Variants in TAS2R5 observed in about 807,000 individuals in gnomAD.
The protein encoded by TAS2R5 is taste receptor type 2 member 5.
In TAS2R5, 11 loss-of-function variants were observed where a neutral mutation model predicts 14.4. That is an observed-to-expected ratio of 0.77 (90% CI 0.48 to 1.27). The LOEUF (loss-of-function observed/expected upper bound fraction) is 1.27, where lower values mean the gene tolerates loss of function less well. Among genes scored for constraint, TAS2R5 ranks in the 50% most tolerant of loss-of-function variants. The pLI is 0.00. For missense variants in TAS2R5, 339 were observed against 353.9 expected (o/e 0.96, Z 0.34); for synonymous variants, 120 against 137.1 (o/e 0.87, Z 0.87).
In TAS2R5 at chr7:141,790,811, T is replaced by G; in HGVS notation, c.450T>G (p.His150Gln). ...TCCAAATTGGCTTAACATTCTATCA[T>G]CCTCCCCAAGGAAACAGCAGCATTC... ...LTVQIGLTFY[H>Q]PPQGNSSIRY... Residue 150 changes from histidine to glutamine, a missense_variant, in exon 1 of 1, where the codon CAT becomes CAG. Transcript: ENST00000247883. 6.2e-7 allele frequency: 1 copy of G among 1,614,104 alleles called. No homozygotes were observed. Among genetic ancestry groups the G allele is most frequent in the South Asian group, 1.1e-5 (1 of 91,076 alleles).
Position 141,790,783 on chromosome 7 carries a change from C to A in TAS2R5, c.422C>A (p.Thr141Lys), listed in dbSNP as rs748246643. Residue 141 changes from threonine (T) to lysine (K), a missense_variant, in exon 1 of 1, where the codon ACA becomes AAA. Thr to Lys is a moderately conservative substitution (Grantham distance 78). Coordinates refer to ENST00000247883, the MANE Select transcript of TAS2R5 (RefSeq NM_018980.3). ...TACTTTATAATCAATTTGTTACTTA[C>A]AGTCCAAATTGGCTTAACATTCTAT... ...LGYFIINLLL[T>K]VQIGLTFYHP... is the part of the protein sequence containing the mutation. 2 of 1,614,216 alleles carry A rather than the reference C, an allele frequency of 1.2e-6. No individual in the cohort carries two copies. The highest frequency in any genetic ancestry group is 1.7e-6 in the Non-Finnish European group (2 of 1,180,040).
Position 141,791,296 on chromosome 7 carries a change from G to T in TAS2R5, c.*35G>T, listed in dbSNP as rs767679138. On this transcript the variant is annotated 3_prime_UTR_variant, in exon 1 of 1. Coordinates refer to ENST00000247883, the MANE Select transcript of TAS2R5 (RefSeq NM_018980.3). ...AAAAGTGTGGTCAGGACACTCTTGGGACGCTCTTTTGATAGCTCTCTATAA... is the reference window on the plus strand; with the variant it reads ...AAAAGTGTGGTCAGGACACTCTTGGTACGCTCTTTTGATAGCTCTCTATAA... 2 of 1,573,604 alleles carry T rather than the reference G, an allele frequency of 1.3e-6. No individual in the cohort carries two copies. The highest frequency in any genetic ancestry group is 2.4e-5 in the South Asian group (2 of 83,380).
chr7:141,791,365 C>G lies in TAS2R5; in HGVS notation c.*104C>G. On this transcript the variant is annotated 3_prime_UTR_variant, in exon 1 of 1. Transcript: ENST00000247883. ...CTTTTAAGATTTTCCTTCTTTTACA[C>G]CAATGTAATGAATGAGCAACAGAAA... 8.4e-7 allele frequency: 1 copy of G among 1,183,872 alleles called. No individual in the cohort carries two copies. Among genetic ancestry groups the G allele is most frequent in the African/African-American group, 1.5e-5 (1 of 65,620 alleles). 73.3% of individuals were successfully genotyped at this position (1,183,872 alleles called of 1,614,324 possible).
Position 141,790,958 on chromosome 7 carries a change from CAAG to C in TAS2R5, c.602_604del (p.Lys201del), listed in dbSNP as rs1800440404. ...TGATTGTCTCTTTGTATACACACCA[CAAG>C]AAGATGAAGGTCCATTCAGCTGGTA... On this transcript the variant is annotated inframe_deletion, in exon 1 of 1. Transcript: ENST00000247883. The C allele has an allele frequency of 6.2e-7, 1 of 1,614,040 alleles. No homozygotes were observed. The highest frequency in any genetic ancestry group is 1.3e-5 in the African/African-American group (1 of 74,892).
In TAS2R5 at chr7:141,790,669, A is replaced by T. The variant is rs1332092827; in HGVS notation, c.308A>T (p.Tyr103Phe). The T allele has an allele frequency of 6.2e-7, 1 of 1,614,044 alleles. No homozygotes were observed. Among genetic ancestry groups the T allele is most frequent in the Admixed American group, 1.7e-5 (1 of 60,000 alleles). ...TTTGCCACCTTCCTCAGTGTCTTCT[A>T]TTGCAAGAAGATCACGACCTTCGAT... ...LWFATFLSVF[Y>F]CKKITTFDRP... Residue 103 changes from tyrosine to phenylalanine, a missense_variant, in exon 1 of 1, where the codon TAT becomes TTT. By Grantham distance (22) the Tyr-to-Phe change is conservative. Coordinates refer to ENST00000247883, the MANE Select transcript of TAS2R5 (RefSeq NM_018980.3).
Position 141,790,376 on chromosome 7 carries a change from C to G in TAS2R5, c.15C>G (p.Gly5=). The G allele has an allele frequency of 6.2e-7, 1 of 1,614,000 alleles. No homozygotes were observed. The highest frequency in any genetic ancestry group is 8.5e-7 in the Non-Finnish European group (1 of 1,179,942). MLSA[G]LGLLMLVAVV... Reference sequence around the variant, plus strand: ...TCTCCCCAGCCATGCTGAGCGCTGGCCTAGGACTGCTGATGCTGGTGGCAG... The same window carrying G: ...TCTCCCCAGCCATGCTGAGCGCTGGGCTAGGACTGCTGATGCTGGTGGCAG... Residue 5 remains glycine (G), a synonymous_variant, in exon 1 of 1, where the codon GGC becomes GGG. Transcript: ENST00000247883.
In TAS2R5 at chr7:141,790,480, A is replaced by C. The variant is rs144615570; in HGVS notation, c.119A>C (p.Asn40Thr). ...WSFREWIRKF[N>T]WSSYNLIILG... ...TTTAGAGAATGGATCAGAAAATTCA[A>C]CTGGTCCTCATATAACCTCATTATC... The change falls in exon 1 of 1, where the codon AAC (asparagine) becomes ACC (threonine). Residue 40 changes from asparagine to threonine, a missense_variant. Asn to Thr is a moderately conservative substitution (Grantham distance 65, BLOSUM62 0). Coordinates refer to ENST00000247883, the MANE Select transcript of TAS2R5 (RefSeq NM_018980.3). The C allele has an allele frequency of 5.0e-6, 8 of 1,614,222 alleles. No homozygotes were observed. The highest frequency in any genetic ancestry group is 4.0e-5 in the African/African-American group (3 of 75,042).
At chr7:141,790,781 T>TA in the TAS2R5 span, 1 of 1,614,194 alleles carries the variant, frequency 6.2e-7, no homozygotes, top group Non-Finnish European at 8.5e-7. Flanking sequence ...ATTTGTTACT[T>TA]ACAGTCCAAA....
chr7:141,790,805 C>A lies in TAS2R5; in HGVS notation c.444C>A (p.Phe148Leu), dbSNP rs762682112. 2 of 1,614,148 alleles carry A rather than the reference C, an allele frequency of 1.2e-6. No homozygotes were observed. The highest frequency in any genetic ancestry group is 1.7e-6 in the Non-Finnish European group (2 of 1,180,010). Residue 148 changes from phenylalanine to leucine, a missense_variant, in exon 1 of 1, where the codon TTC becomes TTA. Phe to Leu is a conservative substitution (Grantham distance 22). Coordinates refer to ENST00000247883, the MANE Select transcript of TAS2R5 (RefSeq NM_018980.3). ...LLLTVQIGLT[F>L]YHPPQGNSSI... ...TTACAGTCCAAATTGGCTTAACATT[C>A]TATCATCCTCCCCAAGGAAACAGCA...
Position 141,790,408 on chromosome 7 carries a change from A to C in TAS2R5, c.47A>C (p.Glu16Ala), listed in dbSNP as rs1186012404. The C allele has an allele frequency of 1.2e-6, 2 of 1,614,058 alleles. No individual in the cohort carries two copies. The highest frequency in any genetic ancestry group is 2.7e-5 in the African/African-American group (2 of 74,894). ...CTGCTGATGCTGGTGGCAGTGGTTG[A>C]ATTTCTCATCGGTTTAATTGGAAAT... The part of the protein sequence containing the change: ...LGLLMLVAVV[E>A]FLIGLIGNGS... The change falls in exon 1 of 1, where the codon GAA (glutamate) becomes GCA (alanine). Residue 16 changes from glutamate to alanine, a missense_variant. Transcript: ENST00000247883.
At position 141,790,483 on chromosome 7, in the gene TAS2R5, G is replaced by C; in HGVS notation, c.122G>C (p.Trp41Ser). The change falls in exon 1 of 1, where the codon TGG (tryptophan) becomes TCG (serine). Residue 41 changes from tryptophan (W) to serine (S), a missense_variant. By Grantham distance (177) the Trp-to-Ser change is radical. Coordinates refer to ENST00000247883, the MANE Select transcript of TAS2R5 (RefSeq NM_018980.3). ...SFREWIRKFN[W>S]SSYNLIILGL... Reference sequence around the variant, plus strand: ...AGAGAATGGATCAGAAAATTCAACTGGTCCTCATATAACCTCATTATCCTG... The same window carrying C: ...AGAGAATGGATCAGAAAATTCAACTCGTCCTCATATAACCTCATTATCCTG... 6.2e-7 allele frequency: 1 copy of C among 1,614,210 alleles called. No individual in the cohort carries two copies. The highest frequency in any genetic ancestry group is 8.5e-7 in the Non-Finnish European group (1 of 1,180,044).
Position 141,790,940 on chromosome 7 carries a change from C to T in TAS2R5, c.579C>T (p.Val193=), listed in dbSNP as rs1174749377. ...VFLVSSGMLI[V]SLYTHHKKMK... ...TTGTTTCCTCTGGGATGCTGATTGT[C>T]TCTTTGTATACACACCACAAGAAGA... The change falls in exon 1 of 1, where the codon GTC becomes GTT. Residue 193 remains valine, a synonymous_variant. Coordinates refer to ENST00000247883, the MANE Select transcript of TAS2R5 (RefSeq NM_018980.3). The T allele has an allele frequency of 6.2e-7, 1 of 1,614,146 alleles. No homozygotes were observed. Among genetic ancestry groups the T allele is most frequent in the Admixed American group, 1.7e-5 (1 of 60,018 alleles).
At position 141,790,957 on chromosome 7, in the gene TAS2R5, A is replaced by G. The variant is rs534109459; in HGVS notation, c.596A>G (p.His199Arg). 5 of 1,614,132 alleles carry G rather than the reference A, an allele frequency of 3.1e-6. No homozygotes were observed. In the East Asian group the frequency reaches 1.1e-4, roughly 36 times the overall value. ...GMLIVSLYTH[H>R]KKMKVHSAGR... ...CTGATTGTCTCTTTGTATACACACC[A>G]CAAGAAGATGAAGGTCCATTCAGCT... The change falls in exon 1 of 1, where the codon CAC becomes CGC. Residue 199 changes from histidine (H) to arginine (R), a missense_variant. His to Arg is a conservative substitution (Grantham distance 29). Transcript: ENST00000247883.
chr7:141,790,461 G>C lies in TAS2R5; in HGVS notation c.100G>C (p.Glu34Gln), dbSNP rs1001956582. ...AAGCCTGGTGGTCTGGAGTTTTAGA[G>C]AATGGATCAGAAAATTCAACTGGTC... Reference protein sequence around the residue: ...NGSLVVWSFREWIRKFNWSSY... With the variant: ...NGSLVVWSFRQWIRKFNWSSY... The change falls in exon 1 of 1, where the codon GAA becomes CAA. Residue 34 changes from glutamate (E) to glutamine (Q), a missense_variant. Physicochemically the swap from Glu to Gln is conservative, Grantham distance 29. Coordinates refer to ENST00000247883, the MANE Select transcript of TAS2R5 (RefSeq NM_018980.3). The C allele has an allele frequency of 1.2e-6, 2 of 1,614,194 alleles. No individual in the cohort carries two copies. Among genetic ancestry groups the C allele is most frequent in the African/African-American group, 2.7e-5 (2 of 75,046 alleles).
chr7:141,790,487 C>T lies in TAS2R5; in HGVS notation c.126C>T (p.Ser42=). The T allele has an allele frequency of 1.2e-6, 2 of 1,614,168 alleles. No homozygotes were observed. The highest frequency in any genetic ancestry group is 1.7e-6 in the Non-Finnish European group (2 of 1,180,052). Residue 42 remains serine (S), a synonymous_variant, in exon 1 of 1, where the codon TCC becomes TCT. Transcript: ENST00000247883. ...AATGGATCAGAAAATTCAACTGGTC[C>T]TCATATAACCTCATTATCCTGGGCC... The part of the protein sequence containing the change: ...FREWIRKFNW[S]SYNLIILGLA...
chr7:141,790,436 A>G lies in TAS2R5; in HGVS notation c.75A>G (p.Gly25=). 1 of 1,614,170 alleles carries G rather than the reference A, an allele frequency of 6.2e-7. No individual in the cohort carries two copies. Among genetic ancestry groups the G allele is most frequent in the Non-Finnish European group, 8.5e-7 (1 of 1,180,010 alleles). The change falls in exon 1 of 1, where the codon GGA becomes GGG. Residue 25 remains glycine (G), a synonymous_variant. Transcript: ENST00000247883. ...TTCTCATCGGTTTAATTGGAAATGG[A>G]AGCCTGGTGGTCTGGAGTTTTAGAG... ...VEFLIGLIGN[G]SLVVWSFREW... is the part of the protein sequence containing the mutation.
At position 141,790,514 on chromosome 7, in the gene TAS2R5, G is replaced by C; in HGVS notation, c.153G>C (p.Leu51=). ...CATATAACCTCATTATCCTGGGCCTGGCTGGCTGCCGATTTCTCCTGCAGT... is the reference window on the plus strand; with the variant it reads ...CATATAACCTCATTATCCTGGGCCTCGCTGGCTGCCGATTTCTCCTGCAGT... ...WSSYNLIILG[L]AGCRFLLQWL... The change falls in exon 1 of 1, where the codon CTG becomes CTC. Residue 51 remains leucine (L), a synonymous_variant. Transcript: ENST00000247883. The C allele has an allele frequency of 6.2e-7, 1 of 1,614,228 alleles. No individual in the cohort carries two copies.
In TAS2R5 at chr7:141,791,088, A is replaced by G. The variant is rs771817933; in HGVS notation, c.727A>G (p.Thr243Ala). Residue 243 changes from threonine (T) to alanine (A), a missense_variant, in exon 1 of 1, where the codon ACC becomes GCC. Physicochemically the swap from Thr to Ala is moderately conservative, Grantham distance 58 (BLOSUM62 0). Transcript: ENST00000247883. ...VYIMASPFSI[T>A]SKTYPPDLTS... ...TATCATGGCCAGCCCCTTCTCCATC[A>G]CCTCCAAGACTTATCCTCCTGATCT... 2.5e-6 allele frequency: 4 copies of G among 1,613,848 alleles called. No homozygotes were observed. The highest frequency in any genetic ancestry group is 1.1e-5 in the South Asian group (1 of 91,060).
rs1195984918 is a variant in TAS2R5 at position 141,790,361 on chromosome 7, C to T, written c.-1C>T. On this transcript the variant is annotated 5_prime_UTR_variant, in exon 1 of 1. Coordinates refer to ENST00000247883, the MANE Select transcript of TAS2R5 (RefSeq NM_018980.3). Reference sequence around the variant, plus strand: ...GCAGTGAGAGCCTCCTCTCCCCAGCCATGCTGAGCGCTGGCCTAGGACTGC... The same window carrying T: ...GCAGTGAGAGCCTCCTCTCCCCAGCTATGCTGAGCGCTGGCCTAGGACTGC... 1 of 1,613,106 alleles carries T rather than the reference C, an allele frequency of 6.2e-7. No homozygotes were observed. Among genetic ancestry groups the T allele is most frequent in the Non-Finnish European group, 8.5e-7 (1 of 1,179,424 alleles).
Sources: gnomAD v4.1 joint callset for allele counts on GRCh38, gnomAD v4.1.1 for gene constraint, MANE v1.5 for transcripts, NCBI Gene and HGNC (gene_info 2026-07-23, HGNC 2026-07-21) for gene names.